DVL1: variants seen among roughly 807,000 people sequenced by gnomAD.
The protein encoded by DVL1 is dishevelled segment polarity protein 1, also known as segment polarity protein dishevelled homolog DVL-1.
DVL1 carries 49 observed loss-of-function variants against 65.0 expected under a neutral mutation model. That is an observed-to-expected ratio of 0.75 (90% CI 0.60 to 0.96). The LOEUF is 0.96. Ranked by LOEUF, DVL1 falls within the 40% of genes least tolerant of loss-of-function variation. The pLI, the probability that DVL1 is intolerant of heterozygous loss-of-function variation, is 0.00. For missense variants in DVL1, 1,197 were observed against 1,045.4 expected, an observed-to-expected ratio of 1.15 and a Z score of -2.00; for synonymous variants, 608 against 433.9, an observed-to-expected ratio of 1.40 and a Z score of -4.99.
Position 1,349,200 on chromosome 1 carries a change from GCCCC to G in DVL1, c.-139_-136del. 2.2e-6 allele frequency: 1 copy of G among 448,428 alleles called. No individual in the cohort carries two copies. The highest frequency in any genetic ancestry group is 2.9e-6 in the Non-Finnish European group (1 of 343,218). The allele number at this position is 448,428 out of a possible 1,614,324, so 27.8% of individuals were successfully genotyped here. The stretch of plus-strand genomic sequence containing the variant: ...CCCCGACGCTCCGAGGCCCCCGGGC[GCCCC>G]CGCCCGACCGCCCAGGCCCCGGCCG... On this transcript the variant is annotated 5_prime_UTR_variant, in exon 1 of 15. It removes the in-frame stop codon of an upstream open reading frame in the 5' UTR. Coordinates refer to ENST00000378888, the MANE Select transcript of DVL1 (RefSeq NM_001330311.2). The surrounding 1 kb of genome is among the most constrained non-coding windows in gnomAD (Gnocchi z 4.1).
intron 14 of DVL1, among the ~76,000 whole-genome samples, chr1:1,337,376 ACT>A (rs1343318789): frequency 6.6e-6 from 1 of 151,770 alleles, no homozygotes; most frequent in Non-Finnish European, 1.5e-5. Flanking sequence ...CCTCAGGAAC[ACT>A]CTGGATCCCC....
rs187282989 is a variant in DVL1 at position 1,346,971 on chromosome 1, C to A, written c.170+1925G>T. Among the ~76,000 whole-genome samples, 13 of 152,318 alleles carry A rather than the reference C, an allele frequency of 8.5e-5. No individual in the cohort carries two copies. The East Asian group carries it at 2.5e-3, about 29-fold the overall frequency. ...CCCACGGGGGTTCTATTCCACAGAA[C>A]AGACAGTGCTGAGAGGTCTGCGGGT... is the stretch of plus-strand genomic sequence containing the variant. On this transcript the variant is annotated intron_variant, in intron 1 of 14. Coordinates refer to ENST00000378888, the MANE Select transcript of DVL1 (RefSeq NM_001330311.2).
chr1:1,341,190 TGCACACGCACACCTGCACACAC>T (rs1246396465), intron 5 of DVL1, among the ~76,000 whole-genome samples: 37 of 131,466 alleles, frequency 2.8e-4, no homozygotes, highest in Admixed American at 1.3e-3. Context: ...CACGCACATC[TGCACACGCACACCTGCACACAC>T]GCACACGCAC....
Position 1,341,549 on chromosome 1 carries a change from TGCACACACAC to T in DVL1, c.605+108_605+117del, listed in dbSNP as rs978728849. On this transcript the variant is annotated intron_variant, in intron 5 of 14. Coordinates refer to ENST00000378888, the MANE Select transcript of DVL1 (RefSeq NM_001330311.2). The stretch of plus-strand genomic sequence containing the variant: ...ACACAGACATTTGCAGGCACACACA[TGCACACACAC>T]GCACACACGTGCAATGTGAAAACAC... 1.5e-5 allele frequency: 20 copies of T among 1,293,540 alleles called. No homozygotes were observed. In the Admixed American group the frequency reaches 2.0e-4, roughly 13 times the overall value. 80.1% of individuals were successfully genotyped at this position (1,293,540 alleles called of 1,614,324 possible). A position where few individuals can be genotyped will look rare whatever the true frequency, so the allele number is the denominator to read the frequency against.
chr1:1,342,807 C>A (rs745540665), intron 1 of DVL1, 49 bp from the exon 2 acceptor site: 3 of 1,596,020 alleles, frequency 1.9e-6, no homozygotes, highest in Non-Finnish European at 2.6e-6. Flanking sequence ...CCCAACCCTG[C>A]GGTTCTAGAG....
At position 1,341,171 on chromosome 1, in the gene DVL1, AC is replaced by A. The variant is rs561094005; in HGVS notation, c.605+495del. Among the ~76,000 whole-genome samples, 13 of 139,928 alleles carry A rather than the reference AC, an allele frequency of 9.3e-5. No individual in the cohort carries two copies. In the South Asian group the frequency reaches 3.0e-3, roughly 33 times the overall value. The allele number at this position is 139,928 out of a possible 152,430, so 91.8% of individuals were successfully genotyped here. A position where few individuals can be genotyped will look rare whatever the true frequency, so the allele number is the denominator to read the frequency against. ...CCTTCACATACACCTGTACAAGCAC[AC>A]CTGCACACACGCACATCTGCACACG... is the stretch of plus-strand genomic sequence containing the variant. On this transcript the variant is annotated intron_variant, in intron 5 of 14. Transcript: ENST00000378888.
chr1:1,338,245 CTG>C (rs2100717323), intron 13 of DVL1, 22 bp downstream of exon 13: 3 of 1,588,676 alleles, frequency 1.9e-6, no homozygotes, highest in South Asian at 1.1e-5. Flanking sequence ...CCCCCCCGCC[CTG>C]AAGCCCGAAG....
chr1:1,342,120 G>A lies in DVL1; in HGVS notation c.399C>T (p.Asn133=), dbSNP rs377006847. ...NVASSRDGMD[N]ETGTESMVSH... The stretch of plus-strand genomic sequence containing the variant: ...TGACCATGGACTCCGTGCCTGTCTC[G>A]TTGTCCATCCCGTCACGGCTGCTGG... Residue 133 remains asparagine (N), a synonymous_variant, in exon 4 of 15, where the codon AAC becomes AAT. Transcript: ENST00000378888. The A allele has an allele frequency of 7.8e-5, 124 of 1,591,356 alleles. No individual in the cohort carries two copies. The highest frequency in any genetic ancestry group is 1.1e-4 in the Non-Finnish European group (123 of 1,170,256).
chr1:1,346,892 A>G (rs1432183391), intron 1 of DVL1, among the ~76,000 whole-genome samples: 1 of 152,182 alleles, frequency 6.6e-6, no homozygotes, highest in African/African-American at 2.4e-5. Flanking sequence ...ATCCAGGGTC[A>G]GTGTCTAGTT....
In DVL1 at chr1:1,339,566, C is replaced by T. The variant is rs1201671667; in HGVS notation, c.1054+16G>A. ...CCCCTCCCCATCCCGCCCCGTGTGC[C>T]CCGAGGGCCACTCACCCCGTGGGAC... On this transcript the variant is annotated intron_variant, in intron 10 of 14. Coordinates refer to ENST00000378888, the MANE Select transcript of DVL1 (RefSeq NM_001330311.2). The T allele has an allele frequency of 1.9e-6, 3 of 1,599,972 alleles. No individual in the cohort carries two copies. Among genetic ancestry groups the T allele is most frequent in the Non-Finnish European group, 2.6e-6 (3 of 1,173,726 alleles).
chr1:1,342,832 G>A lies in DVL1; in HGVS notation c.171-74C>T, dbSNP rs147981236. ...CGGTTCTAGAGGTGAGGCCTGGAGA[G>A]CAGGCGCTCCTCCTGCCCACACAAT... On this transcript the variant is annotated intron_variant, in intron 1 of 14. Transcript: ENST00000378888. 1.4e-4 allele frequency: 207 copies of A among 1,444,714 alleles called. 1 individual carries two copies. The East Asian group carries it at 2.8e-3, about 19-fold the overall frequency. The allele number at this position is 1,444,714 out of a possible 1,614,324, so 89.5% of individuals were successfully genotyped here. A position where few individuals can be genotyped will look rare whatever the true frequency, so the allele number is the denominator to read the frequency against.
At chr1:1,348,801 G>A (rs1643965879) in intron 1 of DVL1, 95 bp downstream of exon 1, 1 of 1,095,280 alleles carries the variant, frequency 9.1e-7, no homozygotes, top group South Asian at 4.4e-5. Context: ...GTCCCCGGGG[G>A]CGCGAACGGC....
Position 1,339,775 on chromosome 1 carries a change from TC to T in DVL1, c.946del (p.Asp316MetfsTer55), listed in dbSNP as rs1380276375. The T allele has an allele frequency of 1.2e-6, 2 of 1,612,544 alleles. No individual in the cohort carries two copies. The highest frequency in any genetic ancestry group is 1.7e-5 in the Admixed American group (1 of 60,016). ...DVNFENMSND[D>X]AVRVLREIVS... ...GATCTCCCGCAGCACCCGCACGGCA[TC>T]GTCATTGCTCATGTTCTCAAAGTTC... On this transcript the variant is annotated frameshift_variant, in exon 9 of 15. Transcript: ENST00000378888. LOFTEE classifies it high-confidence loss of function.
Position 1,342,476 on chromosome 1 carries a change from C to A in DVL1, c.249G>T (p.Leu83=). 1 of 1,610,394 alleles carries A rather than the reference C, an allele frequency of 6.2e-7. No individual in the cohort carries two copies. Among genetic ancestry groups the A allele is most frequent in the Non-Finnish European group, 8.5e-7 (1 of 1,179,406 alleles). ...FNGRVVSWLV[L]AEGAHSDAGS... ...CCGCATCCGAGTGAGCACCCTCAGC[C>A]AGGACCAGCTGTGGAGGGAGCAGGC... is the stretch of plus-strand genomic sequence containing the variant. Residue 83 remains leucine (L), a synonymous_variant, in exon 3 of 15, where the codon CTG becomes CTT. Transcript: ENST00000378888.
chr1:1,340,975 G>T (rs529271409), intron 5 of DVL1, among the ~76,000 whole-genome samples: 2 of 116,608 alleles, frequency 1.7e-5, no homozygotes, highest in East Asian at 5.3e-4. Flanking sequence ...CACCTGCACA[G>T]GCACACATGC....
At position 1,340,067 on chromosome 1, in the gene DVL1, G is replaced by T; in HGVS notation, c.880C>A (p.Arg294Ser). 1 of 1,612,792 alleles carries T rather than the reference G, an allele frequency of 6.2e-7. No individual in the cohort carries two copies. The highest frequency in any genetic ancestry group is 8.5e-7 in the Non-Finnish European group (1 of 1,179,874). ...MKGGAVAADG[R>S]IEPGDMLLQV... ...AGCAACATGTCGCCGGGCTCGATGC[G>T]GCCGTCAGCGGCCACAGCCCCGCCC... is the stretch of plus-strand genomic sequence containing the variant. Residue 294 changes from arginine to serine, a missense_variant, in exon 8 of 15, where the codon CGC (arginine) becomes AGC (serine). By Grantham distance (110) the Arg-to-Ser change is moderately radical. Coordinates refer to ENST00000378888, the MANE Select transcript of DVL1 (RefSeq NM_001330311.2).
rs757358242 is a variant in DVL1 at position 1,339,485 on chromosome 1, G to A, written c.1055-46C>T. On this transcript the variant is annotated intron_variant, in intron 10 of 14. Coordinates refer to ENST00000378888, the MANE Select transcript of DVL1 (RefSeq NM_001330311.2). Reference sequence around the variant, plus strand: ...GATGACAGGCGGACAGATGGACAGGGTGGGAGGGCAGGGTGCAGGGCACAG... The same window carrying A: ...GATGACAGGCGGACAGATGGACAGGATGGGAGGGCAGGGTGCAGGGCACAG... The A allele has an allele frequency of 1.3e-5, 20 of 1,543,674 alleles. No homozygotes were observed. The East Asian group carries it at 4.6e-4, about 36-fold the overall frequency.
In DVL1 at chr1:1,336,197, T is replaced by A. The variant is rs1364100149; in HGVS notation, c.2033A>T (p.Gln678Leu). Residue 678 changes from glutamine (Q) to leucine (L), a missense_variant, in exon 15 of 15, where the codon CAG (glutamine) becomes CTG (leucine). By Grantham distance (113) the Gln-to-Leu change is moderately radical (BLOSUM62 -2). Coordinates refer to ENST00000378888, the MANE Select transcript of DVL1 (RefSeq NM_001330311.2). ...GTTCCCCATAGCCTTCTGGAAGGAC[T>A]GGCGGCTGCCTGTCAATTCCGGGGG... ...AVPPELTGSR[Q>L]SFQKAMGNPC... The A allele has an allele frequency of 6.4e-7, 1 of 1,566,274 alleles. No homozygotes were observed. Among genetic ancestry groups the A allele is most frequent in the South Asian group, 1.2e-5 (1 of 86,786 alleles).
At chr1:1,343,724 G>A (rs1643879922) in intron 1 of DVL1, among the ~76,000 whole-genome samples, 2 of 152,166 alleles carry the variant, frequency 1.3e-5, no homozygotes, top group East Asian at 1.9e-4. Flanking sequence ...ACGGACGGAC[G>A]TAGGTGGGCT....
Sources: allele counts gnomAD v4.1 joint callset (sites outside exome capture counted in the v4.1 genomes callset), GRCh38; gene constraint gnomAD v4.1.1; non-coding constraint Gnocchi (gnomAD v3.1); transcripts MANE v1.5; gene names NCBI Gene and HGNC (gene_info 2026-07-23, HGNC 2026-07-21).